The following ZDHHC21 variants were observed in gnomAD, a reference collection of about 807,000 sequenced individuals.
ZDHHC21 encodes zDHHC palmitoyltransferase 21.
ZDHHC21 carries 15 observed loss-of-function variants against 34.6 expected under a neutral mutation model. The observed-to-expected ratio is 0.43, with a 90% CI of 0.29 to 0.67. ZDHHC21 has a LOEUF of 0.67. Among genes scored for constraint, ZDHHC21 ranks in the 30% least tolerant of loss-of-function variants. ZDHHC21 has a pLI of 0.14. For synonymous variants in ZDHHC21, 142 were observed against 101.8 expected (o/e 1.40, Z -2.38); for missense variants, 344 against 327.7 (o/e 1.05, Z -0.38).
At chr9:14,690,189 T>A (rs973307850) in intron 2 of ZDHHC21, 148 bp downstream of exon 2, 5 of 273,938 alleles carry the variant, frequency 1.8e-5, no homozygotes, top group Non-Finnish European at 2.9e-5. Context: ...AAGGGAAGCC[T>A]GCTACTTACC....
intron 8 of ZDHHC21, among the ~76,000 whole-genome samples, chr9:14,634,785 A>G (rs1245459057): frequency 6.6e-6 from 1 of 152,214 alleles, no homozygotes. Context: ...CACAAGAAAC[A>G]TAAAAAAGCA....
chr9:14,637,435 C>T (rs1334378687), intron 8 of ZDHHC21, among the ~76,000 whole-genome samples: 1 of 151,712 alleles, frequency 6.6e-6, no homozygotes. Context: ...AGTCCAGGAC[C>T]CAGACAACTT....
At chr9:14,590,916 T>C in the ZDHHC21 span, among the ~76,000 whole-genome samples, 3 of 152,112 alleles carry the variant, frequency 2.0e-5, no homozygotes, top group Non-Finnish European at 4.4e-5. Flanking sequence ...AATAATAATG[T>C]ATCAGGAAGT....
chr9:14,648,909 G>A (rs989286293), intron 7 of ZDHHC21, among the ~76,000 whole-genome samples: 3 of 151,404 alleles, frequency 2.0e-5, no homozygotes, highest in Non-Finnish European at 2.9e-5. Flanking sequence ...ACTTTTCTGT[G>A]TTTTTATAAG....
intron 8 of ZDHHC21, chr9:14,622,736 T>C (rs1825518067): frequency 1.0e-6 from 1 of 984,986 alleles, no homozygotes; most frequent in Admixed American, 6.2e-5. Context: ...TATATGACTA[T>C]CTCTTTTGAG....
intron 8 of ZDHHC21, among the ~76,000 whole-genome samples, chr9:14,631,690 C>T (rs367799626): frequency 2.0e-5 from 3 of 152,002 alleles, no homozygotes; most frequent in East Asian, 3.9e-4. Context: ...ACTTAGAGGC[C>T]ACCATAGGAT....
chr9:14,589,833 C>T, the ZDHHC21 span: 3 of 152,178 alleles, frequency 2.0e-5, no homozygotes, highest in East Asian at 1.9e-4. Flanking sequence ...ACTATCAAAA[C>T]GAAGTCCAAT....
chr9:14,631,209 T>C (rs10810191), intron 8 of ZDHHC21, among the ~76,000 whole-genome samples: 17,959 of 152,290 alleles, frequency 0.12, 1,398 homozygotes, highest in East Asian at 0.33. Context: ...TTTGGATAAT[T>C]TGTTGCAACT....
intron 5 of ZDHHC21, among the ~76,000 whole-genome samples, chr9:14,662,663 A>T (rs1833621471): frequency 6.6e-6 from 1 of 152,230 alleles, no homozygotes; most frequent in Non-Finnish European, 1.5e-5. Context: ...CCAAATTATT[A>T]TACTAAAACA....
chr9:14,628,718 A>G (rs73405796), intron 8 of ZDHHC21, among the ~76,000 whole-genome samples: 2,622 of 152,280 alleles, frequency 0.017, 75 homozygotes, highest in African/African-American at 0.059. Flanking sequence ...TGACAAAAAC[A>G]TGTGCAGATG....
chr9:14,672,795 G>T, intron 5 of ZDHHC21, 35 bp downstream of exon 5: 2 of 1,386,484 alleles, frequency 1.4e-6, no homozygotes, highest in East Asian at 2.3e-5. Context: ...AGTAATTCTG[G>T]CATCAGCAAA....
At chr9:14,633,217 C>T (rs1827659753) in intron 8 of ZDHHC21, among the ~76,000 whole-genome samples, 1 of 152,074 alleles carries the variant, frequency 6.6e-6, no homozygotes, top group Non-Finnish European at 1.5e-5. Flanking sequence ...AGAGAGAACA[C>T]TGGAAATCAA....
intron 8 of ZDHHC21, among the ~76,000 whole-genome samples, chr9:14,632,054 AAC>A (rs529432720): frequency 6.9e-6 from 1 of 145,040 alleles, no homozygotes; most frequent in African/African-American, 2.5e-5. Context: ...AACTAGTTAA[AAC>A]ACACACAAAC....
chr9:14,621,630 T>G (rs1172666874), intron 8 of ZDHHC21, among the ~76,000 whole-genome samples: 2 of 152,274 alleles, frequency 1.3e-5, no homozygotes, highest in East Asian at 3.9e-4. Context: ...AATGCTCATC[T>G]GTCTGTAACT....
intron 5 of ZDHHC21, among the ~76,000 whole-genome samples, chr9:14,670,688 A>AT (rs1053921198): frequency 6.6e-6 from 1 of 152,126 alleles, no homozygotes; most frequent in African/African-American, 2.4e-5. Context: ...AAGATATTAC[A>AT]TAAGTATCTA....
chr9:14,619,621 C>A lies in ZDHHC21; in HGVS notation c.665+18G>T. 7.1e-7 allele frequency: 1 copy of A among 1,401,802 alleles called. No individual in the cohort carries two copies. The highest frequency in any genetic ancestry group is 1.2e-5 in the South Asian group (1 of 83,292). The allele number at this position is 1,401,802 out of a possible 1,614,324, so 86.8% of individuals were successfully genotyped here. ...TTCCAATTTTAAATAATACTATACA[C>A]TTCAGTTTTATACTTACATATCTTC... On this transcript the variant is annotated intron_variant, in intron 9 of 9. Coordinates refer to ENST00000380916, the MANE Select transcript of ZDHHC21 (RefSeq NM_178566.6).
At chr9:14,662,967 T>C (rs1429792008) in intron 5 of ZDHHC21, among the ~76,000 whole-genome samples, 2 of 152,194 alleles carry the variant, frequency 1.3e-5, no homozygotes. Context: ...ACAACTACTA[T>C]TTTTAATGAA....
chr9:14,672,745 C>G, intron 5 of ZDHHC21, 85 bp downstream of exon 5: 1 of 894,288 alleles, frequency 1.1e-6, no homozygotes, highest in Admixed American at 2.3e-5. Context: ...ACATTTATAA[C>G]CAATATATAT....
chr9:14,604,371 T>G, the ZDHHC21 span, among the ~76,000 whole-genome samples: 24 of 152,228 alleles, frequency 1.6e-4, no homozygotes, highest in Non-Finnish European at 2.9e-4. Context: ...TTAATAAAGA[T>G]GTTTTGTTTA....
Sources: gnomAD v4.1 joint callset for allele counts (sites outside exome capture counted in the v4.1 genomes callset) on GRCh38, gnomAD v4.1.1 for gene constraint, MANE v1.5 for transcripts, NCBI Gene and HGNC (gene_info 2026-07-23, HGNC 2026-07-21) for gene names.